APOBEC3F: variants seen among roughly 807,000 people sequenced by gnomAD.
APOBEC3F encodes the protein DNA dC->dU-editing enzyme APOBEC-3F.
In APOBEC3F, 34 loss-of-function variants were observed where a neutral mutation model predicts 45.8. That is an observed-to-expected ratio of 0.74 (90% CI 0.57 to 0.99). The LOEUF is 0.99. Among genes scored for constraint, APOBEC3F ranks in the 50% least tolerant of loss-of-function variants. The probability of loss-of-function intolerance (pLI) is 0.00; values close to 1 mark genes in which losing one functional copy is unlikely to be tolerated. For synonymous variants in APOBEC3F, 192 were observed against 174.4 expected, an observed-to-expected ratio of 1.10 and a Z score of -0.80; for missense variants, 459 against 474.1, an observed-to-expected ratio of 0.97 and a Z score of 0.30.
At chr22:39,049,945 C>T (rs1233937946) in intron 5 of APOBEC3F, among the ~76,000 whole-genome samples, 2 of 149,298 alleles carry the variant, frequency 1.3e-5, no homozygotes, top group East Asian at 2.0e-4. Context: ...TCAAGTGATC[C>T]GCCCCCCTCG....
Position 39,052,387 on chromosome 22 carries a change from G to A in APOBEC3F, c.1003+34G>A, listed in dbSNP as rs367554051. 22 of 1,609,522 alleles carry A rather than the reference G, an allele frequency of 1.4e-5. No individual in the cohort carries two copies. The Admixed American group carries it at 2.7e-4, about 20-fold the overall frequency. ...TTGGGGGGCTGAGGAGAGTGGGTGC[G>A]GGAGGGACAGCATGAGGGGCAGGTG... On this transcript the variant is annotated intron_variant, in intron 6 of 6. Coordinates refer to ENST00000308521, the MANE Select transcript of APOBEC3F (RefSeq NM_145298.6).
At position 39,052,247 on chromosome 22, in the gene APOBEC3F, C is replaced by T. The variant is rs1229371380; in HGVS notation, c.897C>T (p.Leu299=). The T allele has an allele frequency of 8.7e-6, 14 of 1,614,112 alleles. No homozygotes were observed. Among genetic ancestry groups the T allele is most frequent in the Non-Finnish European group, 1.2e-5 (14 of 1,180,046 alleles). ...TGGCCAGGCACAGCAACGTGAATCT[C>T]ACCATCTTCACCGCCCGCCTCTACT... ...EFLARHSNVN[L]TIFTARLYYF... Residue 299 remains leucine (L), a synonymous_variant, in exon 6 of 7, where the codon CTC becomes CTT. Coordinates refer to ENST00000308521, the MANE Select transcript of APOBEC3F (RefSeq NM_145298.6).
chr22:39,048,725 T>C (rs949221329), intron 4 of APOBEC3F, among the ~76,000 whole-genome samples: 6 of 152,130 alleles, frequency 3.9e-5, no homozygotes, highest in Non-Finnish European at 5.9e-5. Flanking sequence ...GAGAATCGCT[T>C]GAAACCAAGA....
At position 39,054,321 on chromosome 22, in the gene APOBEC3F, G is replaced by A. The variant is rs374108785; in HGVS notation, c.*1626G>A. ...ATCTGGGTTCACTGCAGCCTCTGCC[G>A]CCTGAGTTCAAGCTATTTTCCTACC... is the stretch of plus-strand genomic sequence containing the variant. On this transcript the variant is annotated 3_prime_UTR_variant, in exon 7 of 7. Coordinates refer to ENST00000308521, the MANE Select transcript of APOBEC3F (RefSeq NM_145298.6). Among the ~76,000 whole-genome samples the A allele has an allele frequency of 2.0e-4, 30 of 152,116 alleles. No individual in the cohort carries two copies. The highest frequency in any genetic ancestry group is 6.5e-4 in the African/African-American group (27 of 41,480).
chr22:39,042,685 A>G (rs1446753205), intron 1 of APOBEC3F, among the ~76,000 whole-genome samples: 1 of 152,108 alleles, frequency 6.6e-6, no homozygotes, highest in Non-Finnish European at 1.5e-5. Flanking sequence ...AAGGTGGGGA[A>G]TGTACTCCTG....
chr22:39,041,585 C>T (rs1926895909), intron 1 of APOBEC3F, among the ~76,000 whole-genome samples: 1 of 151,950 alleles, frequency 6.6e-6, no homozygotes, highest in Non-Finnish European at 1.5e-5. Context: ...ATATAGTGGC[C>T]GGGTGCGGTG....
chr22:39,043,917 T>C (rs1476342912), intron 2 of APOBEC3F, among the ~76,000 whole-genome samples: 5 of 151,848 alleles, frequency 3.3e-5, no homozygotes, highest in African/African-American at 4.8e-5. Flanking sequence ...CCCAGCTACT[T>C]GGGAGGCTGA....
intron 2 of APOBEC3F, chr22:39,044,561 C>CA (rs1927104973): frequency 1.1e-5 from 6 of 526,804 alleles, no homozygotes; most frequent in Non-Finnish European, 1.6e-5. Context: ...GATGTCGAGT[C>CA]ACTGCTGCTC....
intron 4 of APOBEC3F, among the ~76,000 whole-genome samples, chr22:39,047,344 A>G (rs926315995): frequency 6.6e-6 from 1 of 152,110 alleles, no homozygotes; most frequent in Non-Finnish European, 1.5e-5. Flanking sequence ...CAGGTGAGAA[A>G]GCAGCATAAA....
intron 5 of APOBEC3F, among the ~76,000 whole-genome samples, chr22:39,051,812 G>C (rs557777818): frequency 2.8e-4 from 43 of 152,222 alleles, no homozygotes; most frequent in Non-Finnish European, 4.1e-4. Context: ...AAATTAGGCA[G>C]GCGTGGTGGC....
rs1927665762 is a variant in APOBEC3F at position 39,055,668 on chromosome 22, T to C, written c.*2973T>C. On this transcript the variant is annotated 3_prime_UTR_variant, in exon 7 of 7. Coordinates refer to ENST00000308521, the MANE Select transcript of APOBEC3F (RefSeq NM_145298.6). ...GATCAATGGCCAGACTGTTTGGCGCTGCTACCTGGGCCTGGTAGTTAAAGA... is the reference window on the plus strand; with the variant it reads ...GATCAATGGCCAGACTGTTTGGCGCCGCTACCTGGGCCTGGTAGTTAAAGA... Among the ~76,000 whole-genome samples, 1 of 152,234 alleles carries C rather than the reference T, an allele frequency of 6.6e-6. No homozygotes were observed.
chr22:39,040,993 C>T lies in APOBEC3F; in HGVS notation c.17+16C>T, dbSNP rs1353856000. 6.3e-7 allele frequency: 1 copy of T among 1,583,224 alleles called. No homozygotes were observed. Among genetic ancestry groups the T allele is most frequent in the Admixed American group, 1.8e-5 (1 of 55,008 alleles). On this transcript the variant is annotated intron_variant, in intron 1 of 6. Coordinates refer to ENST00000308521, the MANE Select transcript of APOBEC3F (RefSeq NM_145298.6). ...CTCACTTCAGGTACCGCTGCCCGCT[C>T]TACCCGCTGGGCCCCTCTGCTGCCC...
intron 4 of APOBEC3F, among the ~76,000 whole-genome samples, chr22:39,048,622 A>G (rs1398070485): frequency 6.6e-6 from 1 of 151,862 alleles, no homozygotes; most frequent in African/African-American, 2.4e-5. Context: ...CCTGGCTAAC[A>G]TGATGAAACC....
At chr22:39,044,156 G>A (rs770932503) in intron 2 of APOBEC3F, 3 of 1,593,738 alleles carry the variant, frequency 1.9e-6, no homozygotes, top group African/African-American at 2.7e-5. Context: ...CCACCACATG[G>A]GACAGCGCAG....
rs771308838 is a variant in APOBEC3F, at chr22:39,045,485, G to C, written c.509G>C (p.Trp170Ser). 1.9e-6 allele frequency: 3 copies of C among 1,614,104 alleles called. No homozygotes were observed. Among genetic ancestry groups the C allele is most frequent in the South Asian group, 1.1e-5 (1 of 91,084 alleles). The change falls in exon 4 of 7, where the codon TGG becomes TCG. Residue 170 changes from tryptophan to serine, a missense_variant. By Grantham distance (177) the Trp-to-Ser change is radical. Transcript: ENST00000308521. ...AGTGAAGGTCAGCCATTCATGCCTT[G>C]GTACAAATTCGATGACAATTATGCA... ...VYSEGQPFMP[W>S]YKFDDNYAFL...
intron 4 of APOBEC3F, 107 bp downstream of exon 4, chr22:39,045,649 T>C: frequency 6.4e-7 from 1 of 1,569,894 alleles, no homozygotes; most frequent in Non-Finnish European, 8.7e-7. Flanking sequence ...GCCCCCTGCC[T>C]GCCCTCATGG....
intron 5 of APOBEC3F, among the ~76,000 whole-genome samples, chr22:39,050,516 G>A (rs2413566): frequency 0.83 from 99,742 of 120,080 alleles, 42,213 homozygotes; most frequent in African/African-American, 0.94. Context: ...ATGGAAGCGC[G>A]AGTGTTCCCA....
chr22:39,042,855 G>A, intron 1 of APOBEC3F, 82 bp from the exon 2 acceptor site: 2 of 1,570,472 alleles, frequency 1.3e-6, no homozygotes, highest in South Asian at 2.4e-5. Flanking sequence ...AGCCATGCAG[G>A]GGGCTGTGTT....
Position 39,049,941 on chromosome 22 carries a change from G to A in APOBEC3F, c.723+360G>A, listed in dbSNP as rs1371869718. 3.8e-4 allele frequency among the ~76,000 whole-genome samples: 57 copies of A among 149,510 alleles called. 2 individuals carry two copies. The highest frequency in any genetic ancestry group is 3.8e-3 in the Admixed American group (56 of 14,882). On this transcript the variant is annotated intron_variant, in intron 5 of 6. Transcript: ENST00000308521. Reference sequence around the variant, plus strand: ...TGGTTTCGAATTCCTGACCTCAAGTGATCCGCCCCCCTCGGCCTCCCAAAG... The same window carrying A: ...TGGTTTCGAATTCCTGACCTCAAGTAATCCGCCCCCCTCGGCCTCCCAAAG...
Sources: gnomAD v4.1 joint callset for allele counts (sites outside exome capture counted in the v4.1 genomes callset) on GRCh38, gnomAD v4.1.1 for gene constraint, MANE v1.5 for transcripts, NCBI Gene and HGNC (gene_info 2026-07-23, HGNC 2026-07-21) for gene names.